SLC7A7: variants seen among roughly 807,000 people sequenced by gnomAD.
SLC7A7 encodes solute carrier family 7 member 7, also known as Y+L amino acid transporter 1.
In SLC7A7, 39 loss-of-function variants were observed where a neutral mutation model predicts 47.9. The observed-to-expected ratio is 0.81, with a 90% CI of 0.63 to 1.06. The LOEUF (loss-of-function observed/expected upper bound fraction) is 1.06. SLC7A7 is among the 50% of genes least tolerant of loss of function. The pLI is 0.00. For synonymous variants in SLC7A7, 234 were observed against 242.8 expected (o/e 0.96, Z 0.34); for missense variants, 588 against 632.0 (o/e 0.93, Z 0.75).
intron 2 of SLC7A7, among the ~76,000 whole-genome samples, chr14:22,786,662 G>C (rs546140565): frequency 6.6e-6 from 1 of 152,270 alleles, no homozygotes; most frequent in African/African-American, 2.4e-5. Flanking sequence ...AGCTGGGTGC[G>C]ATGGCTCATG....
chr14:22,787,698 C>T (rs1053857875), intron 2 of SLC7A7, among the ~76,000 whole-genome samples: 6 of 151,806 alleles, frequency 4.0e-5, no homozygotes, highest in Admixed American at 1.3e-4. Flanking sequence ...AGAGGTTGCA[C>T]TGAGCCAAGA....
At chr14:22,789,638 A>G (rs1370899208) in intron 2 of SLC7A7, among the ~76,000 whole-genome samples, 1 of 151,904 alleles carries the variant, frequency 6.6e-6, no homozygotes, top group Non-Finnish European at 1.5e-5. Context: ...AAAAAAAAAA[A>G]AAAAAAAGAA....
chr14:22,777,263 T>G (rs993475221), intron 4 of SLC7A7, among the ~76,000 whole-genome samples: 1 of 151,954 alleles, frequency 6.6e-6, no homozygotes, highest in African/African-American at 2.4e-5. Context: ...TCTTTTGGTG[T>G]CAGGATTCCA....
intron 9 of SLC7A7, 56 bp from the exon 10 acceptor site, chr14:22,773,772 G>T: frequency 6.4e-7 from 1 of 1,563,570 alleles, no homozygotes; most frequent in South Asian, 1.1e-5. Context: ...CTGAGTTCAA[G>T]TGTCACTGAA....
intron 2 of SLC7A7, among the ~76,000 whole-genome samples, chr14:22,792,347 G>A (rs2038938333): frequency 6.6e-6 from 1 of 152,090 alleles, no homozygotes; most frequent in African/African-American, 2.4e-5. Flanking sequence ...AGGATCACTT[G>A]AGGCCAGGAG....
chr14:22,792,919 CT>C (rs1193907488), intron 2 of SLC7A7, among the ~76,000 whole-genome samples: 1,517 of 131,908 alleles, frequency 0.012, 11 homozygotes, highest in Non-Finnish European at 0.014. Context: ...AGAAAAATAT[CT>C]TTTTTTTTTT....
intron 2 of SLC7A7, among the ~76,000 whole-genome samples, chr14:22,790,032 G>A (rs1489457886): frequency 6.6e-6 from 1 of 152,086 alleles, no homozygotes; most frequent in East Asian, 1.9e-4. Context: ...AGAAGCAATA[G>A]AAAACTCATA....
In SLC7A7 at chr14:22,774,339, A is replaced by C; in HGVS notation, c.1245+15T>G. On this transcript the variant is annotated intron_variant, in intron 8 of 9. Transcript: ENST00000674313. The stretch of plus-strand genomic sequence containing the variant: ...CTGTTTCAGGTGGAGCAGAGGTAGG[A>C]TGGAGTTGCCTTACCTTGAGGGGAC... 6.2e-7 allele frequency: 1 copy of C among 1,614,084 alleles called. No individual in the cohort carries two copies. The highest frequency in any genetic ancestry group is 8.5e-7 in the Non-Finnish European group (1 of 1,180,008).
chr14:22,779,901 A>G (rs1323541843), intron 3 of SLC7A7, 25 bp downstream of exon 3: 1 of 1,611,522 alleles, frequency 6.2e-7, no homozygotes, highest in Non-Finnish European at 8.5e-7. Context: ...AAAAAAGATT[A>G]GTTGCTACTA....
At chr14:22,795,630 A>G (rs2039009657) in intron 2 of SLC7A7, among the ~76,000 whole-genome samples, 1 of 151,754 alleles carries the variant, frequency 6.6e-6, no homozygotes, top group Admixed American at 6.6e-5. Flanking sequence ...GCCTGCCACC[A>G]CACCCAGCTA....
chr14:22,791,801 T>C (rs1346191996), intron 2 of SLC7A7, among the ~76,000 whole-genome samples: 1 of 151,798 alleles, frequency 6.6e-6, no homozygotes, highest in African/African-American at 2.4e-5. Flanking sequence ...ATTTGTTTTG[T>C]CTAATGTTGG....
chr14:22,780,051 C>T lies in SLC7A7; in HGVS notation c.500G>A (p.Cys167Tyr). The change falls in exon 3 of 10, where the codon TGT becomes TAT. Residue 167 changes from cysteine to tyrosine, a missense_variant and splice_region_variant. Physicochemically the swap from Cys to Tyr is radical, Grantham distance 194. Coordinates refer to ENST00000674313, the MANE Select transcript of SLC7A7 (RefSeq NM_003982.4). The stretch of plus-strand genomic sequence containing the variant: ...GGCACAGTTAATGAAGGTTAAGAGA[C>T]CTGAAAGAAAAATAATACTGATTGG... Reference protein sequence around the residue: ...ASRLLAAACICLLTFINCAYV... With the variant: ...ASRLLAAACIYLLTFINCAYV... 1 of 1,613,894 alleles carries T rather than the reference C, an allele frequency of 6.2e-7. No homozygotes were observed. The highest frequency in any genetic ancestry group is 8.5e-7 in the Non-Finnish European group (1 of 1,179,916).
intron 2 of SLC7A7, among the ~76,000 whole-genome samples, chr14:22,801,038 G>A (rs1473263227): frequency 6.6e-6 from 1 of 152,224 alleles, no homozygotes; most frequent in Admixed American, 6.5e-5. Flanking sequence ...GAGGGACCCT[G>A]ACCTAGAACT....
chr14:22,784,654 A>G (rs538716955), intron 2 of SLC7A7, among the ~76,000 whole-genome samples: 27 of 152,200 alleles, frequency 1.8e-4, no homozygotes, highest in Admixed American at 1.2e-3. Flanking sequence ...TAACCATCTA[A>G]AAAGATGTTC....
At chr14:22,784,616 CAA>C (rs1043176688) in intron 2 of SLC7A7, among the ~76,000 whole-genome samples, 4 of 136,448 alleles carry the variant, frequency 2.9e-5, no homozygotes, top group Admixed American at 7.4e-5. Context: ...GACTCCATCT[CAA>C]AAAAAAAAAA....
intron 2 of SLC7A7, among the ~76,000 whole-genome samples, chr14:22,804,509 A>G (rs1275778687): frequency 1.3e-5 from 2 of 152,200 alleles, no homozygotes; most frequent in Admixed American, 1.3e-4. Context: ...ATTTAAACAA[A>G]TTTACAAGAA....
Position 22,775,817 on chromosome 14 carries a change from A to G in SLC7A7, c.998+16T>C, listed in dbSNP as rs1243245676. ...CCCTTTGATGATACACCCCTCACAA[A>G]AGTTGCCACTCTTACCTAGAAGCAG... is the stretch of plus-strand genomic sequence containing the variant. On this transcript the variant is annotated intron_variant, in intron 6 of 9. Coordinates refer to ENST00000674313, the MANE Select transcript of SLC7A7 (RefSeq NM_003982.4). The G allele has an allele frequency of 1.9e-6, 3 of 1,589,638 alleles. No individual in the cohort carries two copies. In the East Asian group the frequency reaches 6.7e-5, roughly 36 times the overall value.
At chr14:22,774,245 C>G in intron 8 of SLC7A7, 109 bp downstream of exon 8, 3 of 1,595,286 alleles carry the variant, frequency 1.9e-6, no homozygotes, top group Non-Finnish European at 2.6e-6. Flanking sequence ...ACATTACTAA[C>G]GACCAAGTCC....
intron 2 of SLC7A7, among the ~76,000 whole-genome samples, chr14:22,799,010 A>G (rs1316569219): frequency 6.6e-6 from 1 of 152,184 alleles, no homozygotes; most frequent in Non-Finnish European, 1.5e-5. Flanking sequence ...ACCCATGGGC[A>G]TAGTCCTGAA....
Sources: gnomAD v4.1 joint callset for allele counts (sites outside exome capture counted in the v4.1 genomes callset) on GRCh38, gnomAD v4.1.1 for gene constraint, MANE v1.5 for transcripts, NCBI Gene and HGNC (gene_info 2026-07-23, HGNC 2026-07-21) for gene names.